CAMTA1: variants seen among roughly 807,000 people sequenced by gnomAD.
CAMTA1 encodes calmodulin binding transcription activator 1.
Under a neutral mutation model 170.9 loss-of-function variants are expected in CAMTA1, and 27 were observed. That is an observed-to-expected ratio of 0.16 (90% CI 0.12 to 0.22). The LOEUF is 0.22. CAMTA1 is among the 10% of genes least tolerant of loss of function. The pLI, the probability that CAMTA1 is intolerant of heterozygous loss-of-function variation, is 1.00. For missense variants in CAMTA1, 1,619 were observed against 2,217.2 expected (o/e 0.73, Z 5.42); for synonymous variants, 833 against 891.5 (o/e 0.93, Z 1.17).
In CAMTA1 at chr1:7,677,686, C is replaced by A; in HGVS notation, c.2867C>A (p.Ala956Asp). 6.2e-7 allele frequency: 1 copy of A among 1,614,142 alleles called. No homozygotes were observed. The highest frequency in any genetic ancestry group is 2.2e-5 in the East Asian group (1 of 44,876). ...GTGGTGTTTGAGTACAAAGCCCGGGCTCTGCCCACGCTCCCTTCCTCCCAG... is the reference window on the plus strand; with the variant it reads ...GTGGTGTTTGAGTACAAAGCCCGGGATCTGCCCACGCTCCCTTCCTCCCAG... ...NSVVFEYKAR[A>D]LPTLPSSQHD... is the part of the protein sequence containing the mutation. Residue 956 changes from alanine (A) to aspartate (D), a missense_variant, in exon 11 of 23, where the codon GCT (alanine) becomes GAT (aspartate). Physicochemically the swap from Ala to Asp is moderately radical, Grantham distance 126. Around this residue, in one of 8 missense-constraint regions of CAMTA1, gnomAD observed 143 missense variants for 184.2 expected, o/e 0.78. Coordinates refer to ENST00000303635, the MANE Select transcript of CAMTA1 (RefSeq NM_015215.4).
At chr1:6,835,658 TTC>T (rs1652726075) in intron 3 of CAMTA1, among the ~76,000 whole-genome samples, 1 of 152,174 alleles carries the variant, frequency 6.6e-6, no homozygotes, top group South Asian at 2.1e-4. Flanking sequence ...TGGAAGTGTG[TTC>T]TAATTAACTT....
At chr1:7,302,867 A>G (rs1257735144) in intron 5 of CAMTA1, among the ~76,000 whole-genome samples, 1 of 152,234 alleles carries the variant, frequency 6.6e-6, no homozygotes. Flanking sequence ...GGCAATCTGC[A>G]GCAGAATTAA....
intron 3 of CAMTA1, among the ~76,000 whole-genome samples, chr1:6,958,630 CAATA>C (rs2149509810): frequency 6.6e-6 from 1 of 152,322 alleles, no homozygotes; most frequent in Non-Finnish European, 1.5e-5. Context: ...GAATGTGACG[CAATA>C]AGCCTGCAAT....
intron 3 of CAMTA1, among the ~76,000 whole-genome samples, chr1:6,998,594 C>G (rs988814023): frequency 6.6e-6 from 1 of 152,218 alleles, no homozygotes; most frequent in Non-Finnish European, 1.5e-5. Flanking sequence ...TGCACTTTGC[C>G]TTCTCCATAG....
intron 3 of CAMTA1, among the ~76,000 whole-genome samples, chr1:6,842,058 C>T (rs1456753165): frequency 2.6e-5 from 4 of 152,242 alleles, no homozygotes; most frequent in African/African-American, 9.6e-5. Flanking sequence ...CTCCTTTCCT[C>T]TCCTGCCCCC....
Position 7,664,917 on chromosome 1 carries a change from C to T in CAMTA1, c.2370C>T (p.Ile790=), listed in dbSNP as rs561365245. The T allele has an allele frequency of 6.2e-7, 1 of 1,613,092 alleles. No homozygotes were observed. The highest frequency in any genetic ancestry group is 2.2e-5 in the East Asian group (1 of 44,886). ...FISVEGGSST[I]YGHQLVSGDS... Reference sequence around the variant, plus strand: ...CCGTGGAGGGGGGCAGCAGCACCATCTATGGGCACCAGCTGGTGTCGGGGG... The same window carrying T: ...CCGTGGAGGGGGGCAGCAGCACCATTTATGGGCACCAGCTGGTGTCGGGGG... The change falls in exon 9 of 23, where the codon ATC becomes ATT. Residue 790 remains isoleucine, a synonymous_variant. Coordinates refer to ENST00000303635, the MANE Select transcript of CAMTA1 (RefSeq NM_015215.4).
rs906836851 is a variant in CAMTA1, at chr1:7,216,225, C to T, written c.303-33266C>T. Among the ~76,000 whole-genome samples the T allele has an allele frequency of 6.6e-6, 1 of 152,152 alleles. No homozygotes were observed. The highest frequency in any genetic ancestry group is 1.9e-4 in the East Asian group (1 of 5,176). On this transcript the variant is annotated intron_variant, in intron 4 of 22. Transcript: ENST00000303635. This position sits in a 1 kb window ranked among gnomAD's most constrained non-coding sequence, Gnocchi z 4.0. ...GAGAACTCACTCACTATCACAAAAA[C>T]AGCAAGGGGGAAATCCTCCCCCATG...
intron 11 of CAMTA1, among the ~76,000 whole-genome samples, chr1:7,729,806 C>G (rs1483564173): frequency 6.6e-6 from 1 of 152,224 alleles, no homozygotes; most frequent in East Asian, 1.9e-4. Flanking sequence ...GCCTGGTGTG[C>G]AGGAAGCATT....
At chr1:7,263,068 C>T (rs1558325208) in intron 5 of CAMTA1, among the ~76,000 whole-genome samples, 2 of 152,038 alleles carry the variant, frequency 1.3e-5, no homozygotes, top group Non-Finnish European at 1.5e-5. Context: ...AAACGAGATG[C>T]GACACGGTAT....
intron 11 of CAMTA1, among the ~76,000 whole-genome samples, chr1:7,714,337 A>G (rs2096593445): frequency 6.6e-6 from 1 of 152,206 alleles, no homozygotes; most frequent in African/African-American, 2.4e-5. Context: ...ATTCCTCTGA[A>G]TGGTCTACCT....
In CAMTA1 at chr1:7,310,700, C is replaced by CTT. The variant is rs1553129600; in HGVS notation, c.438+61075_438+61076insTT. Among the ~76,000 whole-genome samples the CTT allele has an allele frequency of 7.3e-3, 388 of 53,474 alleles. 18 individuals carry two copies. Among genetic ancestry groups the CTT allele is most frequent in the African/African-American group, 0.041 (320 of 7,850 alleles). The allele number at this position is 53,474 out of a possible 152,430, so 35.1% of individuals were successfully genotyped here. A position where few individuals can be genotyped will look rare whatever the true frequency, so the allele number is the denominator to read the frequency against. On this transcript the variant is annotated intron_variant, in intron 5 of 22. Coordinates refer to ENST00000303635, the MANE Select transcript of CAMTA1 (RefSeq NM_015215.4). ...TCTTTCTCTCTCTCTCTCTCTCTCTCTCTTTCTTTCTTTCTTTCTTTCTTT... is the reference window on the plus strand; with the variant it reads ...TCTTTCTCTCTCTCTCTCTCTCTCTCTTTCTTTCTTTCTTTCTTTCTTTCTTT...
At chr1:7,560,479 A>G (rs2094941882) in intron 6 of CAMTA1, among the ~76,000 whole-genome samples, 1 of 152,238 alleles carries the variant, frequency 6.6e-6, no homozygotes, top group Non-Finnish European at 1.5e-5. Flanking sequence ...CCTCTGTGAA[A>G]TGAGCCATGT....
chr1:6,976,578 C>T (rs1693468553), intron 3 of CAMTA1, among the ~76,000 whole-genome samples: 1 of 152,138 alleles, frequency 6.6e-6, no homozygotes, highest in Non-Finnish European at 1.5e-5. Flanking sequence ...AGCAGTAGAG[C>T]ATCTGTGATG....
chr1:7,056,131 AG>A (rs543975612), intron 3 of CAMTA1, among the ~76,000 whole-genome samples: 1 of 152,256 alleles, frequency 6.6e-6, no homozygotes, highest in South Asian at 2.1e-4. Context: ...ACTTATAATC[AG>A]AAGGACACAG....
At position 7,766,542 on chromosome 1, in the gene CAMTA1, T is replaced by C. The variant is rs778502584; in HGVS notation, c.*51T>C. ...ATGTGACATTGCTTTTCAGACTGTT[T>C]TCATTTCTGTTTTTAGCAGAGACAT... On this transcript the variant is annotated 3_prime_UTR_variant, in exon 23 of 23. Transcript: ENST00000303635. 1 of 1,560,972 alleles carries C rather than the reference T, an allele frequency of 6.4e-7. No homozygotes were observed. Among genetic ancestry groups the C allele is most frequent in the Admixed American group, 1.7e-5 (1 of 59,928 alleles).
In CAMTA1 at chr1:7,664,570, A is replaced by T. The variant is rs2095986124; in HGVS notation, c.2023A>T (p.Met675Leu). 6.2e-7 allele frequency: 1 copy of T among 1,612,924 alleles called. No individual in the cohort carries two copies. Among genetic ancestry groups the T allele is most frequent in the Non-Finnish European group, 8.5e-7 (1 of 1,179,970 alleles). Residue 675 changes from methionine (M) to leucine (L), a missense_variant, in exon 9 of 23, where the codon ATG (methionine) becomes TTG (leucine). Transcript: ENST00000303635. ...RIESTSSLHL[M>L]QFQANFQAMT... ...CGAGTCCACTTCCTCCCTCCACCTC[A>T]TGCAGTTCCAGGCCAACTTCCAGGC...
intron 3 of CAMTA1, among the ~76,000 whole-genome samples, chr1:6,990,510 T>C (rs2100415093): frequency 6.6e-6 from 1 of 152,346 alleles, no homozygotes; most frequent in South Asian, 2.1e-4. Flanking sequence ...TATTATGAAC[T>C]GTTTATTTAC....
intron 15 of CAMTA1, 99 bp from the exon 16 acceptor site, chr1:7,737,860 T>A: frequency 7.0e-6 from 9 of 1,285,806 alleles, no homozygotes; most frequent in Middle Eastern, 2.3e-4. Context: ...GAGTTCCGGC[T>A]TTGCACTTTG....
At chr1:6,821,278 T>C (rs1236518628) in intron 2 of CAMTA1, among the ~76,000 whole-genome samples, 2 of 152,240 alleles carry the variant, frequency 1.3e-5, no homozygotes, top group Non-Finnish European at 2.9e-5. Context: ...ATCAGATCAG[T>C]GTTTGGCACA....
Sources: gnomAD v4.1 joint callset for allele counts (sites outside exome capture counted in the v4.1 genomes callset) on GRCh38, gnomAD v4.1.1 for gene constraint, gnomAD v4.1.1 regional missense constraint, Gnocchi (gnomAD v3.1) non-coding constraint, MANE v1.5 for transcripts, NCBI Gene and HGNC (gene_info 2026-07-23, HGNC 2026-07-21) for gene names.